Variants in LY96 observed in about 807,000 individuals in gnomAD.
The protein encoded by LY96 is myeloid differentiation protein-2.
In LY96, 18 loss-of-function variants were observed where a neutral mutation model predicts 18.9. That is an observed-to-expected ratio of 0.95 (90% confidence interval 0.66 to 1.41). The LOEUF (loss-of-function observed/expected upper bound fraction) is 1.41. LY96 is among the 40% of genes most tolerant of loss of function. LY96 has a pLI of 0.00. For synonymous variants in LY96, 66 were observed against 62.6 expected (o/e 1.06, Z -0.26); for missense variants, 175 against 182.4 (o/e 0.96, Z 0.23).
intron 1 of LY96, among the ~76,000 whole-genome samples, chr8:73,998,119 C>G (rs1009212569): frequency 6.6e-6 from 1 of 152,108 alleles, no homozygotes; most frequent in Non-Finnish European, 1.5e-5. Flanking sequence ...CAGGAACCCA[C>G]CAAAAGTTAC....
downstream of LY96, among the ~76,000 whole-genome samples, chr8:74,032,290 T>C (rs928834263): frequency 6.6e-6 from 1 of 152,236 alleles, no homozygotes; most frequent in Non-Finnish European, 1.5e-5. Flanking sequence ...CCCCTCATAT[T>C]GTCTTATGCC....
chr8:74,065,574 T>A, the LY96 span, among the ~76,000 whole-genome samples: 2 of 152,230 alleles, frequency 1.3e-5, no homozygotes, highest in Non-Finnish European at 2.9e-5. Flanking sequence ...GTAGTGAGGT[T>A]ATTTGAGTTC....
the LY96 span, among the ~76,000 whole-genome samples, chr8:74,082,015 G>A: frequency 6.6e-6 from 1 of 152,152 alleles, no homozygotes; most frequent in Non-Finnish European, 1.5e-5. Flanking sequence ...ACTCTTCCCT[G>A]GCCATTCCAG....
chr8:74,064,444 A>C, the LY96 span, among the ~76,000 whole-genome samples: 1 of 152,300 alleles, frequency 6.6e-6, no homozygotes, highest in Non-Finnish European at 1.5e-5. Flanking sequence ...TCACTCTATT[A>C]GATCACAAGA....
At chr8:74,026,068 T>C (rs1371757923) in intron 3 of LY96, among the ~76,000 whole-genome samples, 1 of 152,176 alleles carries the variant, frequency 6.6e-6, no homozygotes, top group Non-Finnish European at 1.5e-5. Flanking sequence ...AAATAAATGC[T>C]TACTTGTGAG....
the LY96 span, among the ~76,000 whole-genome samples, chr8:74,081,920 G>A: frequency 2.0e-4 from 31 of 152,308 alleles, no homozygotes; most frequent in South Asian, 4.8e-3. Flanking sequence ...ACAGGCGTGA[G>A]CCACCGTGCC....
the LY96 span, among the ~76,000 whole-genome samples, chr8:74,038,673 T>A: frequency 1.3e-5 from 2 of 152,230 alleles, no homozygotes; most frequent in Non-Finnish European, 2.9e-5. Flanking sequence ...ATTATAGGCA[T>A]GAGCCAGTGC....
the LY96 span, among the ~76,000 whole-genome samples, chr8:74,040,891 A>G: frequency 6.6e-6 from 1 of 152,006 alleles, no homozygotes; most frequent in African/African-American, 2.4e-5. Flanking sequence ...TTTAGTACAG[A>G]TGGGGTTTCA....
At chr8:74,002,728 C>G (rs906601783) in intron 1 of LY96, among the ~76,000 whole-genome samples, 3 of 147,856 alleles carry the variant, frequency 2.0e-5, no homozygotes, top group Admixed American at 6.9e-5. Context: ...CATGCCACCA[C>G]GCCCAGCTAA....
At chr8:73,995,323 C>T (rs7821865) in intron 1 of LY96, among the ~76,000 whole-genome samples, 37,924 of 152,176 alleles carry the variant, frequency 0.25, 5,053 homozygotes, top group Non-Finnish European at 0.3. Context: ...CTAAGACACT[C>T]GCAGCTGGCT....
chr8:74,086,031 A>T, the LY96 span, among the ~76,000 whole-genome samples: 4 of 151,940 alleles, frequency 2.6e-5, no homozygotes, highest in African/African-American at 9.7e-5. Context: ...TCTGACCAAG[A>T]TCTCCCCAAC....
the LY96 span, chr8:74,099,673 C>T: frequency 6.6e-6 from 1 of 152,204 alleles, no homozygotes; most frequent in Admixed American, 6.5e-5. Flanking sequence ...AATGACTCCT[C>T]CTATAATCTG....
At chr8:74,002,253 C>T (rs1816312481) in intron 1 of LY96, among the ~76,000 whole-genome samples, 1 of 151,416 alleles carries the variant, frequency 6.6e-6, no homozygotes, top group African/African-American at 2.4e-5. Flanking sequence ...TCTCATGCCT[C>T]AGCCTCCTGA....
intron 1 of LY96, among the ~76,000 whole-genome samples, chr8:73,996,372 C>CCTTCCTTCCTTTCTTTCTTT (rs1816135382): frequency 8.1e-5 from 9 of 110,998 alleles, no homozygotes; most frequent in Non-Finnish European, 9.4e-5. Flanking sequence ...TTCCTTCATT[C>CCTTCCTTCCTTTCTTTCTTT]CTTTCTTTCT....
the LY96 span, among the ~76,000 whole-genome samples, chr8:74,064,062 A>C: frequency 1.3e-5 from 2 of 152,224 alleles, no homozygotes; most frequent in South Asian, 4.1e-4. Context: ...AGAAGCCATT[A>C]AAATAATTTA....
chr8:74,057,221 G>A, the LY96 span, among the ~76,000 whole-genome samples: 14 of 152,178 alleles, frequency 9.2e-5, no homozygotes, highest in East Asian at 7.7e-4. Flanking sequence ...TTGAACATGC[G>A]TATCTCCTCA....
the LY96 span, among the ~76,000 whole-genome samples, chr8:74,079,168 C>T: frequency 5.3e-5 from 8 of 152,320 alleles, no homozygotes; most frequent in South Asian, 1.7e-3. Context: ...AATTTGCTCT[C>T]TGCTTGAGCT....
chr8:74,091,369 C>T, the LY96 span, among the ~76,000 whole-genome samples: 84 of 152,256 alleles, frequency 5.5e-4, no homozygotes, highest in Admixed American at 2.2e-3. Context: ...TGTTAGAATT[C>T]GTTCTTACAG....
the LY96 span, among the ~76,000 whole-genome samples, chr8:74,048,364 C>T: frequency 1.3e-5 from 2 of 151,934 alleles, no homozygotes; most frequent in Non-Finnish European, 2.9e-5. Flanking sequence ...CAGGTTCAAG[C>T]AATTTTCCTG....
Sources: allele counts gnomAD v4.1 joint callset (sites outside exome capture counted in the v4.1 genomes callset), GRCh38; gene constraint gnomAD v4.1.1; transcripts MANE v1.5; gene names NCBI Gene and HGNC (gene_info 2026-07-23, HGNC 2026-07-21).